The following SLIT3 variants were observed in gnomAD, a reference collection of about 807,000 sequenced individuals.
SLIT3 encodes slit guidance ligand 3, also known as slit homolog 3 protein.
In SLIT3, 68 loss-of-function variants were observed where a neutral mutation model predicts 184.0. That is an observed-to-expected ratio of 0.37 (90% confidence interval 0.30 to 0.45). The LOEUF (loss-of-function observed/expected upper bound fraction) is 0.45, where lower values mean the gene tolerates loss of function less well. Among genes scored for constraint, SLIT3 ranks in the 20% least tolerant of loss-of-function variants. The pLI is 1.00. For synonymous variants in SLIT3, 831 were observed against 828.6 expected (o/e 1.00, Z -0.05); for missense variants, 1,707 against 2,026.0 (o/e 0.84, Z 3.02).
chr5:168,850,745 T>G (rs997212319), intron 5 of SLIT3, among the ~76,000 whole-genome samples: 6 of 152,218 alleles, frequency 3.9e-5, no homozygotes, highest in Non-Finnish European at 8.8e-5. Flanking sequence ...CTATTTCATA[T>G]AGATCATAAT....
rs1760993606 is a variant in SLIT3 at position 168,665,119 on chromosome 5, C to G, written c.*1335G>C. 6.6e-6 allele frequency: 1 copy of G among 152,262 alleles called. No individual in the cohort carries two copies. Among genetic ancestry groups the G allele is most frequent in the African/African-American group, 2.4e-5 (1 of 41,450 alleles). 9.4% of individuals were successfully genotyped at this position (152,262 alleles called of 1,614,324 possible). On this transcript the variant is annotated 3_prime_UTR_variant, in exon 36 of 36. Coordinates refer to ENST00000519560, the MANE Select transcript of SLIT3 (RefSeq NM_003062.4). ...GGTCTGGACTTCTGGTCTGGCTCCT[C>G]CACTTATCTGGTGTGTGGCTTAAGG...
At chr5:169,072,648 T>C (rs1758594128) in intron 4 of SLIT3, among the ~76,000 whole-genome samples, 1 of 152,150 alleles carries the variant, frequency 6.6e-6, no homozygotes, top group Non-Finnish European at 1.5e-5. Flanking sequence ...TGGAGGAGGT[T>C]AGGGATGTTT....
chr5:169,009,783 G>T (rs1243305953), intron 4 of SLIT3, among the ~76,000 whole-genome samples: 1 of 152,214 alleles, frequency 6.6e-6, no homozygotes, highest in Non-Finnish European at 1.5e-5. Flanking sequence ...GGCGGGAAAG[G>T]ACTGAGAAAG....
At chr5:168,811,071 G>T (rs1757142121) in intron 8 of SLIT3, among the ~76,000 whole-genome samples, 1 of 152,058 alleles carries the variant, frequency 6.6e-6, no homozygotes, top group African/African-American at 2.4e-5. Context: ...AAAGCGAAAG[G>T]TCCTAACTTG....
intron 5 of SLIT3, among the ~76,000 whole-genome samples, chr5:168,857,730 G>A (rs1289988891): frequency 6.6e-6 from 1 of 152,236 alleles, no homozygotes; most frequent in Admixed American, 6.5e-5. Flanking sequence ...GAACAGTTAA[G>A]ACGAGGACTC....
At chr5:168,757,535 G>A (rs1002134696) in intron 16 of SLIT3, among the ~76,000 whole-genome samples, 4 of 152,186 alleles carry the variant, frequency 2.6e-5, no homozygotes, top group South Asian at 2.1e-4. Context: ...CCAGGTTCAC[G>A]CCATTCTCCT....
At chr5:168,824,522 C>T (rs1303901727) in intron 6 of SLIT3, among the ~76,000 whole-genome samples, 3 of 152,324 alleles carry the variant, frequency 2.0e-5, no homozygotes, top group Admixed American at 2.0e-4. Flanking sequence ...AGGCCATCTG[C>T]AGAGGCAGAA....
Position 169,183,900 on chromosome 5 carries a change from G to A in SLIT3, c.413+9579C>T, listed in dbSNP as rs112810247. ...TTCTGTAATTCCAAAGCATTGTAAA[G>A]TCACAGCTTGGTTTTCTTTCCTTCT... On this transcript the variant is annotated intron_variant, in intron 4 of 35. Coordinates refer to ENST00000519560, the MANE Select transcript of SLIT3 (RefSeq NM_003062.4). Among the ~76,000 whole-genome samples the A allele has an allele frequency of 7.1e-3, 1,076 of 152,282 alleles. 13 individuals are homozygous for A. Among genetic ancestry groups the A allele is most frequent in the Non-Finnish European group, 9.7e-3 (660 of 68,034 alleles).
chr5:168,734,307 G>T (rs1763371614), intron 20 of SLIT3, among the ~76,000 whole-genome samples: 1 of 152,184 alleles, frequency 6.6e-6, no homozygotes, highest in African/African-American at 2.4e-5. Flanking sequence ...GAAATTAACT[G>T]TTAGAGCCCT....
chr5:168,887,963 T>C (rs923086399), intron 4 of SLIT3, among the ~76,000 whole-genome samples: 2 of 152,178 alleles, frequency 1.3e-5, no homozygotes, highest in African/African-American at 4.8e-5. Context: ...GATTAAAAAG[T>C]TTCTCTCCTC....
chr5:168,856,806 T>TGTGTGTGCGCGCGCGC (rs374432432), intron 5 of SLIT3, among the ~76,000 whole-genome samples: 15 of 137,740 alleles, frequency 1.1e-4, no homozygotes, highest in African/African-American at 3.9e-4. Context: ...TGTGTGTGTG[T>TGTGTGTGCGCGCGCGC]GCGCGCGCGC....
chr5:169,043,782 G>A (rs1757529023), intron 4 of SLIT3, among the ~76,000 whole-genome samples: 1 of 152,152 alleles, frequency 6.6e-6, no homozygotes, highest in African/African-American at 2.4e-5. Flanking sequence ...CAAGAAGAGT[G>A]GCTGATTTAA....
At chr5:169,093,045 A>G (rs1383797224) in intron 4 of SLIT3, among the ~76,000 whole-genome samples, 1 of 152,202 alleles carries the variant, frequency 6.6e-6, no homozygotes, top group East Asian at 1.9e-4. Flanking sequence ...TCACAAAACA[A>G]TAAGTTGGAT....
rs1453687576 is a variant in SLIT3, at chr5:169,194,258, A to G, written c.342-708T>C. Among the ~76,000 whole-genome samples the G allele has an allele frequency of 2.7e-4, 40 of 150,034 alleles. No individual in the cohort carries two copies. In the East Asian group the frequency reaches 6.4e-3, roughly 24 times the overall value. On this transcript the variant is annotated intron_variant, in intron 3 of 35. Coordinates refer to ENST00000519560, the MANE Select transcript of SLIT3 (RefSeq NM_003062.4). ...CAAAAAAAAAAAAAAAAAAAAAAAA[A>G]AAAAGAAGAAAAAGAAACCTTAAAT...
At chr5:169,159,380 C>T (rs868466647) in intron 4 of SLIT3, among the ~76,000 whole-genome samples, 61 of 152,044 alleles carry the variant, frequency 4.0e-4, no homozygotes, top group Admixed American at 2.9e-3. Flanking sequence ...GAGCTGAGAT[C>T]GTGCCATTGC....
chr5:168,734,393 C>T (rs1338930768), intron 20 of SLIT3, among the ~76,000 whole-genome samples: 4 of 152,118 alleles, frequency 2.6e-5, no homozygotes, highest in Non-Finnish European at 4.4e-5. Flanking sequence ...CTTAACCTTC[C>T]TAAAATGCCC....
chr5:168,856,204 A>C (rs926906100), intron 5 of SLIT3, among the ~76,000 whole-genome samples: 4 of 152,230 alleles, frequency 2.6e-5, no homozygotes, highest in African/African-American at 4.8e-5. Flanking sequence ...TTAAACGGTT[A>C]GTTCTATGTT....
intron 4 of SLIT3, among the ~76,000 whole-genome samples, chr5:169,133,594 G>A (rs1442568804): frequency 6.6e-6 from 1 of 152,212 alleles, no homozygotes; most frequent in Non-Finnish European, 1.5e-5. Context: ...CTTTATAGTA[G>A]GAGCTAGATT....
At chr5:168,877,737 T>C (rs903314737) in intron 5 of SLIT3, among the ~76,000 whole-genome samples, 18 of 152,162 alleles carry the variant, frequency 1.2e-4, no homozygotes, top group African/African-American at 4.1e-4. Flanking sequence ...CAAATTCTGC[T>C]AGCTGGCAGA....
Sources: allele counts gnomAD v4.1 joint callset (sites outside exome capture counted in the v4.1 genomes callset), GRCh38; gene constraint gnomAD v4.1.1; transcripts MANE v1.5; gene names NCBI Gene and HGNC (gene_info 2026-07-23, HGNC 2026-07-21).